PRKN: variants seen among roughly 807,000 people sequenced by gnomAD.
PRKN encodes the protein E3 ubiquitin-protein ligase parkin.
PRKN carries 56 observed loss-of-function variants against 59.5 expected under a neutral mutation model. That is an observed-to-expected ratio of 0.94 (90% CI 0.76 to 1.18). The LOEUF (loss-of-function observed/expected upper bound fraction) is 1.18. PRKN is among the 50% of genes most tolerant of loss of function. The pLI, the probability that PRKN is intolerant of heterozygous loss-of-function variation, is 0.00. For synonymous variants in PRKN, 250 were observed against 222.1 expected (o/e 1.13, Z -1.12); for missense variants, 657 against 596.4 (o/e 1.10, Z -1.06).
chr6:162,582,158 T>C (rs891589156), intron 1 of PRKN, among the ~76,000 whole-genome samples: 1 of 152,168 alleles, frequency 6.6e-6, no homozygotes, highest in African/African-American at 2.4e-5. Context: ...ACACATTACA[T>C]ATCCATCTGA....
At chr6:161,955,763 T>G (rs973833223) in intron 6 of PRKN, among the ~76,000 whole-genome samples, 25 of 152,298 alleles carry the variant, frequency 1.6e-4, no homozygotes, top group Non-Finnish European at 2.5e-4. Flanking sequence ...GGCAGGAGAA[T>G]CGCTTGAACT....
rs539513059 is a variant in PRKN, at chr6:162,450,364, G to A, written c.8-6891C>T. 1.0e-4 allele frequency among the ~76,000 whole-genome samples: 14 copies of A among 134,542 alleles called. No individual in the cohort carries two copies. The East Asian group carries it at 1.8e-3, about 17-fold the overall frequency. The allele number at this position is 134,542 out of a possible 152,430, so 88.3% of individuals were successfully genotyped here. On this transcript the variant is annotated intron_variant, in intron 1 of 11. Transcript: ENST00000366898. ...TTGTAATCCCCCTGTGAATGTAAACGCCCCTGTGATTGTAATCCCCCTGTG... is the reference window on the plus strand; with the variant it reads ...TTGTAATCCCCCTGTGAATGTAAACACCCCTGTGATTGTAATCCCCCTGTG...
At chr6:162,473,323 A>T (rs1264393868) in intron 1 of PRKN, among the ~76,000 whole-genome samples, 1 of 152,162 alleles carries the variant, frequency 6.6e-6, no homozygotes. Context: ...AGGTAAAGGC[A>T]TTAGGAAAAA....
chr6:162,455,364 C>T (rs1790820501), intron 1 of PRKN, among the ~76,000 whole-genome samples: 1 of 152,148 alleles, frequency 6.6e-6, no homozygotes. Context: ...GTGCAAACAT[C>T]ATGGAGTGTA....
rs1225424004 is a variant in PRKN at position 161,546,413 on chromosome 6, T to C, written c.1083+2441A>G. Among the ~76,000 whole-genome samples the C allele has an allele frequency of 3.9e-5, 6 of 152,106 alleles. No homozygotes were observed. The highest frequency in any genetic ancestry group is 8.8e-5 in the Non-Finnish European group (6 of 68,020). The stretch of plus-strand genomic sequence containing the variant: ...AGCATTCAAGTTAGGTGAATATCCT[T>C]CTGTGAAAGTTTGGGATTTGAAGAC... On this transcript the variant is annotated intron_variant, in intron 9 of 11. Transcript: ENST00000366898. The surrounding 1 kb of genome is among the most constrained non-coding windows in gnomAD (Gnocchi z 4.4).
chr6:161,476,884 A>T (rs1791109415), intron 9 of PRKN, among the ~76,000 whole-genome samples: 1 of 152,244 alleles, frequency 6.6e-6, no homozygotes, highest in Non-Finnish European at 1.5e-5. Context: ...ATGGAAACCG[A>T]GAGCCAGCAT....
intron 9 of PRKN, among the ~76,000 whole-genome samples, chr6:161,523,668 T>C (rs548579852): frequency 6.6e-6 from 1 of 152,356 alleles, no homozygotes; most frequent in African/African-American, 2.4e-5. Context: ...TACTGTATGA[T>C]GAAAAAGGTC....
intron 4 of PRKN, among the ~76,000 whole-genome samples, chr6:162,190,000 T>TA (rs565456087): frequency 2.0e-5 from 3 of 151,636 alleles, no homozygotes; most frequent in East Asian, 1.9e-4. Context: ...CATAACACAT[T>TA]AAAAAAAATA....
Position 161,566,351 on chromosome 6 carries a change from C to A in PRKN, c.933+3004G>T, listed in dbSNP as rs1000161785. Among the ~76,000 whole-genome samples the A allele has an allele frequency of 6.6e-6, 1 of 152,152 alleles. No individual in the cohort carries two copies. The highest frequency in any genetic ancestry group is 6.5e-5 in the Admixed American group (1 of 15,276). On this transcript the variant is annotated intron_variant, in intron 8 of 11. Transcript: ENST00000366898. This position sits in a 1 kb window ranked among gnomAD's most constrained non-coding sequence, Gnocchi z 4.1. Reference sequence around the variant, plus strand: ...ATCATGATTCCTCCTCCTAAAGATGCCTTCTTCCTTTGGCTCCCAGGTCAT... The same window carrying A: ...ATCATGATTCCTCCTCCTAAAGATGACTTCTTCCTTTGGCTCCCAGGTCAT...
chr6:162,538,649 C>G (rs563308489), intron 1 of PRKN, among the ~76,000 whole-genome samples: 1 of 152,058 alleles, frequency 6.6e-6, no homozygotes, highest in Admixed American at 6.5e-5. Flanking sequence ...AGGCAACGAC[C>G]GCGTGTGGGA....
At chr6:162,186,426 G>C (rs1239943495) in intron 4 of PRKN, among the ~76,000 whole-genome samples, 8 of 151,512 alleles carry the variant, frequency 5.3e-5, no homozygotes, top group South Asian at 2.1e-4. Flanking sequence ...TTATAGATTG[G>C]TTTGTTGGAG....
chr6:161,682,935 G>A (rs1785423801), intron 7 of PRKN, among the ~76,000 whole-genome samples: 1 of 152,212 alleles, frequency 6.6e-6, no homozygotes, highest in Admixed American at 6.5e-5. Flanking sequence ...CTCCCGGCAA[G>A]GCTGCTGGGC....
intron 6 of PRKN, among the ~76,000 whole-genome samples, chr6:161,907,635 CAGG>C (rs1473783503): frequency 3.3e-5 from 5 of 152,152 alleles, no homozygotes; most frequent in African/African-American, 4.8e-5. Context: ...AGGAAAATAG[CAGG>C]AGAAGTGTAA....
chr6:162,187,442 G>A (rs1784076283), intron 4 of PRKN, among the ~76,000 whole-genome samples: 1 of 152,148 alleles, frequency 6.6e-6, no homozygotes, highest in African/African-American at 2.4e-5. Context: ...CTTCAACACT[G>A]AGGTATCAGA....
rs1313005553 is a variant in PRKN at position 161,447,791 on chromosome 6, C to T, written c.1084-60914G>A. The stretch of plus-strand genomic sequence containing the variant: ...TACAGGTATGAGCCACCGTGGCTGG[C>T]CTCCTTTTTCTTTTAAACACATACA... On this transcript the variant is annotated intron_variant, in intron 9 of 11. Transcript: ENST00000366898. This position sits in a 1 kb window ranked among gnomAD's most constrained non-coding sequence, Gnocchi z 4.1. Among the ~76,000 whole-genome samples, 1 of 152,194 alleles carries T rather than the reference C, an allele frequency of 6.6e-6. No homozygotes were observed. The highest frequency in any genetic ancestry group is 1.5e-5 in the Non-Finnish European group (1 of 68,042).
At chr6:162,306,667 T>A (rs1782242146) in intron 2 of PRKN, among the ~76,000 whole-genome samples, 1 of 152,220 alleles carries the variant, frequency 6.6e-6, no homozygotes. Flanking sequence ...AACTACTATG[T>A]GTCCGGTACT....
chr6:161,902,556 A>ATTTT, intron 6 of PRKN, among the ~76,000 whole-genome samples: 1 of 118,200 alleles, frequency 8.5e-6, no homozygotes, highest in Non-Finnish European at 1.7e-5. Flanking sequence ...CTATTTATTT[A>ATTTT]TTTATTTATT....
chr6:161,818,902 C>A (rs1791902231), intron 6 of PRKN, among the ~76,000 whole-genome samples: 12 of 152,026 alleles, frequency 7.9e-5, no homozygotes, highest in Admixed American at 7.9e-4. Flanking sequence ...GGCATGGGAG[C>A]CAGACGGAGT....
intron 9 of PRKN, among the ~76,000 whole-genome samples, chr6:161,479,493 C>T (rs9346859): frequency 0.59 from 89,203 of 151,988 alleles, 27,170 homozygotes; most frequent in Middle Eastern, 0.69. Context: ...AGCAATGCCA[C>T]TTCCATCTTG....
Sources: gnomAD v4.1 joint callset for allele counts (sites outside exome capture counted in the v4.1 genomes callset) on GRCh38, gnomAD v4.1.1 for gene constraint, Gnocchi (gnomAD v3.1) non-coding constraint, MANE v1.5 for transcripts, NCBI Gene and HGNC (gene_info 2026-07-23, HGNC 2026-07-21) for gene names.